Variants in KAT6A observed in about 807,000 individuals in gnomAD.
The protein encoded by KAT6A is lysine acetyltransferase 6A, also known as histone acetyltransferase KAT6A.
Under a neutral mutation model 198.4 loss-of-function variants are expected in KAT6A, and 9 were observed. That is an observed-to-expected ratio of 0.05 (90% CI 0.03 to 0.08). The LOEUF (loss-of-function observed/expected upper bound fraction) is 0.08, where lower values mean the gene tolerates loss of function less well. Among genes scored for constraint, KAT6A ranks in the 10% least tolerant of loss-of-function variants. KAT6A has a pLI of 1.00. For missense variants in KAT6A, 2,077 were observed against 2,509.9 expected, an observed-to-expected ratio of 0.83 and a Z score of 3.69; for synonymous variants, 890 against 883.0, an observed-to-expected ratio of 1.01 and a Z score of -0.14.
At chr8:42,045,729 T>C (rs1802221881) in intron 2 of KAT6A, among the ~76,000 whole-genome samples, 1 of 151,650 alleles carries the variant, frequency 6.6e-6, no homozygotes, top group Admixed American at 6.6e-5. Context: ...TCTTGGCACT[T>C]TGAGAGACCG....
At position 41,934,041 on chromosome 8, in the gene KAT6A, C is replaced by A. The variant is rs759755459; in HGVS notation, c.4179G>T (p.Glu1393Asp). ...SVVSEQMAGS[E>D]DDHEEDSHTK... ...TGTGGGAGTCTTCTTCGTGGTCGTC[C>A]TCAGACCCAGCCATCTGCTCTGACA... Residue 1393 changes from glutamate to aspartate, a missense_variant, in exon 17 of 17, where the codon GAG becomes GAT. Transcript: ENST00000265713. The A allele has an allele frequency of 6.2e-7, 1 of 1,614,108 alleles. No homozygotes were observed. Among genetic ancestry groups the A allele is most frequent in the Non-Finnish European group, 8.5e-7 (1 of 1,180,022 alleles).
At chr8:42,018,782 C>T (rs191924344) in intron 2 of KAT6A, among the ~76,000 whole-genome samples, 5 of 151,964 alleles carry the variant, frequency 3.3e-5, no homozygotes, top group African/African-American at 1.2e-4. Context: ...ATTAGCTGGG[C>T]GTGGTGGCCA....
At position 41,993,931 on chromosome 8, in the gene KAT6A, T is replaced by C. The variant is rs868446349; in HGVS notation, c.601-6368A>G. On this transcript the variant is annotated intron_variant, in intron 2 of 16. Coordinates refer to ENST00000265713, the MANE Select transcript of KAT6A (RefSeq NM_006766.5). The stretch of plus-strand genomic sequence containing the variant: ...TATTGGGTTCACCATAAGATTTGAA[T>C]CTGAAATGCACTAAGGTGGTTATAG... 1.2e-4 allele frequency among the ~76,000 whole-genome samples: 18 copies of C among 152,300 alleles called. No homozygotes were observed. In the Middle Eastern group the frequency reaches 0.01, roughly 86 times the overall value.
At chr8:41,947,936 C>CA in intron 10 of KAT6A, 24 bp from the exon 11 acceptor site, 1 of 1,560,258 alleles carries the variant, frequency 6.4e-7, no homozygotes, top group South Asian at 1.2e-5. Context: ...CAGAACAAAA[C>CA]AGTCAGTAGA....
intron 2 of KAT6A, among the ~76,000 whole-genome samples, chr8:42,047,090 C>A (rs1258098336): frequency 6.6e-6 from 1 of 152,108 alleles, no homozygotes; most frequent in Non-Finnish European, 1.5e-5. Context: ...TTAACTTTAC[C>A]ATCTTTCCAC....
chr8:41,930,427 G>C lies in KAT6A; in HGVS notation c.*1778C>G, dbSNP rs925243922. ...TGAGAGCGGGAAGATGTGGAATTCT[G>C]CGTTTCTACCTAGCACGCTTGAGAA... On this transcript the variant is annotated 3_prime_UTR_variant, in exon 17 of 17. Coordinates refer to ENST00000265713, the MANE Select transcript of KAT6A (RefSeq NM_006766.5). The C allele has an allele frequency of 4.5e-6, 1 of 224,314 alleles. No individual in the cohort carries two copies. Among genetic ancestry groups the C allele is most frequent in the African/African-American group, 2.2e-5 (1 of 44,722 alleles). 13.9% of individuals were successfully genotyped at this position (224,314 alleles called of 1,614,324 possible).
At chr8:42,009,931 C>T (rs950895458) in intron 2 of KAT6A, among the ~76,000 whole-genome samples, 3 of 140,736 alleles carry the variant, frequency 2.1e-5, no homozygotes, top group African/African-American at 7.9e-5. Flanking sequence ...AAAACAAAAC[C>T]ACAATCCTTT....
rs142564159 is a variant in KAT6A, at chr8:42,030,675, G to A, written c.600+17703C>T. 1.4e-3 allele frequency among the ~76,000 whole-genome samples: 217 copies of A among 151,732 alleles called. 5 individuals are homozygous for A. The East Asian group carries it at 0.034, about 24-fold the overall frequency. ...TGCCTCCCAGGTTCCAGTGATACTC[G>A]TGCCTCAGCTTCTCAAGGAGCTGGG... On this transcript the variant is annotated intron_variant, in intron 2 of 16. Transcript: ENST00000265713.
At chr8:42,030,162 G>A (rs149006247) in intron 2 of KAT6A, among the ~76,000 whole-genome samples, 52 of 152,230 alleles carry the variant, frequency 3.4e-4, no homozygotes, top group African/African-American at 1.2e-3. Context: ...ATTGGGTCTC[G>A]GACAAGGGGG....
rs2150854307 is a variant in KAT6A at position 41,932,127 on chromosome 8, C to A, written c.*78G>T. 24 of 1,244,974 alleles carry A rather than the reference C, an allele frequency of 1.9e-5. No homozygotes were observed. In the South Asian group the frequency reaches 5.9e-4, roughly 30 times the overall value. 77.1% of individuals were successfully genotyped at this position (1,244,974 alleles called of 1,614,324 possible). A position where few individuals can be genotyped will look rare whatever the true frequency, so the allele number is the denominator to read the frequency against. On this transcript the variant is annotated 3_prime_UTR_variant, in exon 17 of 17. Coordinates refer to ENST00000265713, the MANE Select transcript of KAT6A (RefSeq NM_006766.5). ...GCAATATTTTAACTGGAAAAAGGTC[C>A]ATTTTTCTCTGGTTTGTCAGTATAA... is the stretch of plus-strand genomic sequence containing the variant.
At chr8:41,971,226 TAA>T (rs60126106) in intron 8 of KAT6A, among the ~76,000 whole-genome samples, 158 of 134,272 alleles carry the variant, frequency 1.2e-3, no homozygotes, top group Admixed American at 1.3e-3. Context: ...AGGTATAATT[TAA>T]AAAAAAAAAA....
At chr8:42,005,910 C>T (rs1825723879) in intron 2 of KAT6A, among the ~76,000 whole-genome samples, 1 of 152,092 alleles carries the variant, frequency 6.6e-6, no homozygotes, top group Non-Finnish European at 1.5e-5. Context: ...GCAATGACTC[C>T]CTTCTGAAAA....
At chr8:42,048,335 A>T (rs372864229) in intron 2 of KAT6A, 43 bp downstream of exon 2, 69 of 1,589,464 alleles carry the variant, frequency 4.3e-5, no homozygotes, top group Non-Finnish European at 5.5e-5. Context: ...GTAGCATCCT[A>T]TATCATCAGC....
At chr8:42,044,260 C>T (rs370677709) in intron 2 of KAT6A, among the ~76,000 whole-genome samples, 3 of 151,846 alleles carry the variant, frequency 2.0e-5, no homozygotes, top group Admixed American at 6.6e-5. Flanking sequence ...ACCATCATGC[C>T]GGGCTGATTT....
At chr8:41,974,887 T>G in intron 7 of KAT6A, 65 bp from the exon 8 acceptor site, 1 of 951,488 alleles carries the variant, frequency 1.1e-6, no homozygotes, top group Non-Finnish European at 1.6e-6. Flanking sequence ...TAGAAAAAAT[T>G]TCAGGTCTTT....
At chr8:41,936,839 A>C (rs1229439623) in intron 16 of KAT6A, among the ~76,000 whole-genome samples, 1 of 152,180 alleles carries the variant, frequency 6.6e-6, no homozygotes. Flanking sequence ...ATTTAACACT[A>C]CTTACTGAGC....
At chr8:42,050,452 T>TAAATA (rs1802553709) in intron 1 of KAT6A, among the ~76,000 whole-genome samples, 2 of 152,200 alleles carry the variant, frequency 1.3e-5, no homozygotes, top group Admixed American at 6.5e-5. Flanking sequence ...GCTAGACAAA[T>TAAATA]GGCTCCCACA....
In KAT6A at chr8:41,930,232, A is replaced by G. The variant is rs1030571018; in HGVS notation, c.*1973T>C. On this transcript the variant is annotated 3_prime_UTR_variant, in exon 17 of 17. Coordinates refer to ENST00000265713, the MANE Select transcript of KAT6A (RefSeq NM_006766.5). Reference sequence around the variant, plus strand: ...TTCTGCCTTGACCCACCCTCCTCCCAATATACCTCCCTCCCGACCCACCCC... The same window carrying G: ...TTCTGCCTTGACCCACCCTCCTCCCGATATACCTCCCTCCCGACCCACCCC... The G allele has an allele frequency of 1.0e-4, 20 of 190,836 alleles. No homozygotes were observed. Among genetic ancestry groups the G allele is most frequent in the Non-Finnish European group, 1.6e-4 (16 of 97,738 alleles). 11.8% of individuals were successfully genotyped at this position (190,836 alleles called of 1,614,324 possible).
intron 2 of KAT6A, among the ~76,000 whole-genome samples, chr8:42,034,230 T>C (rs935714389): frequency 3.9e-5 from 6 of 152,182 alleles, no homozygotes; most frequent in African/African-American, 1.2e-4. Context: ...CAAGCGTGCA[T>C]CAGAATCGCC....
Sources: allele counts gnomAD v4.1 joint callset (sites outside exome capture counted in the v4.1 genomes callset), GRCh38; gene constraint gnomAD v4.1.1; transcripts MANE v1.5; gene names NCBI Gene and HGNC (gene_info 2026-07-23, HGNC 2026-07-21).